Variants in DYNC2I2 observed in about 807,000 individuals in gnomAD.
The protein encoded by DYNC2I2 is cytoplasmic dynein 2 intermediate chain 2.
DYNC2I2 carries 39 observed loss-of-function variants against 52.0 expected under a neutral mutation model. The observed-to-expected ratio is 0.75, with a 90% CI of 0.58 to 0.98. The LOEUF (loss-of-function observed/expected upper bound fraction) is 0.98. DYNC2I2 is among the 50% of genes least tolerant of loss of function. The pLI, the probability that DYNC2I2 is intolerant of heterozygous loss-of-function variation, is 0.00. For missense variants in DYNC2I2, 743 were observed against 728.4 expected (o/e 1.02, Z -0.23); for synonymous variants, 359 against 321.1 (o/e 1.12, Z -1.26).
At chr9:128,639,135 C>G (rs1860464661) in intron 2 of DYNC2I2, among the ~76,000 whole-genome samples, 1 of 152,038 alleles carries the variant, frequency 6.6e-6, no homozygotes, top group Admixed American at 6.6e-5. Context: ...CGAGGTGGCT[C>G]ACGCCTGTAA....
Position 128,633,680 on chromosome 9 carries a change from T to TA in DYNC2I2, c.*63_*64insT, listed in dbSNP as rs1172767684. The TA allele has an allele frequency of 4.6e-6, 7 of 1,528,200 alleles. No homozygotes were observed. The highest frequency in any genetic ancestry group is 1.4e-5 in the African/African-American group (1 of 72,226). The allele number at this position is 1,528,200 out of a possible 1,614,324, so 94.7% of individuals were successfully genotyped here. ...CCCCCAAAGCTTTGCTTTTCTTCAT[T>TA]TGGCTTGCGTCAGAAACACAAGGCT... On this transcript the variant is annotated 3_prime_UTR_variant, in exon 9 of 9. Transcript: ENST00000372715.
intron 1 of DYNC2I2, among the ~76,000 whole-genome samples, chr9:128,653,660 G>A (rs938976016): frequency 6.6e-6 from 1 of 150,916 alleles, no homozygotes; most frequent in African/African-American, 2.5e-5. Context: ...AAGTTGCAGT[G>A]AGCTGAGATC....
intron 1 of DYNC2I2, among the ~76,000 whole-genome samples, chr9:128,655,656 T>C (rs1369580170): frequency 6.7e-6 from 1 of 149,162 alleles, no homozygotes; most frequent in Non-Finnish European, 1.5e-5. Context: ...ACGCCTGTAA[T>C]CCCAGCACTT....
chr9:128,683,169 C>T, the DYNC2I2 span, among the ~76,000 whole-genome samples: 1 of 151,818 alleles, frequency 6.6e-6, no homozygotes, highest in African/African-American at 2.4e-5. Context: ...TAAAATAAAC[C>T]CTCTTCTCTT....
intron 1 of DYNC2I2, among the ~76,000 whole-genome samples, chr9:128,643,623 T>C (rs1336364340): frequency 6.6e-6 from 1 of 151,226 alleles, no homozygotes; most frequent in African/African-American, 2.4e-5. Context: ...GTCCAGGAAG[T>C]GGAGGCTGCA....
chr9:128,677,275 A>G, the DYNC2I2 span, among the ~76,000 whole-genome samples: 2 of 151,914 alleles, frequency 1.3e-5, no homozygotes, highest in Admixed American at 1.3e-4. Context: ...AATGCAGAGC[A>G]GAATTCGAGA....
intron 3 of DYNC2I2, 86 bp from the exon 4 acceptor site, chr9:128,636,524 A>C: frequency 1.4e-6 from 2 of 1,459,950 alleles, no homozygotes; most frequent in Non-Finnish European, 9.2e-7. Context: ...AGCCCCGGAC[A>C]CACTCGCTGT....
At position 128,635,105 on chromosome 9, in the gene DYNC2I2, G is replaced by C; in HGVS notation, c.968C>G (p.Thr323Ser). The change falls in exon 6 of 9, where the codon ACC becomes AGC. Residue 323 changes from threonine to serine, a missense_variant. Thr to Ser is a moderately conservative substitution (Grantham distance 58). Transcript: ENST00000372715. ...ALVMQQLPRS[T>S]KLKKHPRGET... ...GTGCCCACGTACCTTCTTGAGCTTG[G>C]TGCTCCGTGGCAGCTGCTGCATGAC... The C allele has an allele frequency of 6.2e-7, 1 of 1,611,920 alleles. No individual in the cohort carries two copies. Among genetic ancestry groups the C allele is most frequent in the East Asian group, 2.2e-5 (1 of 44,846 alleles).
chr9:128,674,644 G>A, the DYNC2I2 span, among the ~76,000 whole-genome samples: 3 of 152,282 alleles, frequency 2.0e-5, no homozygotes, highest in South Asian at 6.2e-4. Flanking sequence ...TTGGGAGGCT[G>A]AGGCAGGAGA....
rs431905519 is a variant in DYNC2I2, at chr9:128,633,812, CTG to C, written c.1541_1542del (p.Thr514ArgfsTer11). 13 of 1,613,458 alleles carry C rather than the reference CTG, an allele frequency of 8.1e-6. No homozygotes were observed. The highest frequency in any genetic ancestry group is 5.3e-5 in the African/African-American group (4 of 74,944). On this transcript the variant is annotated frameshift_variant, in exon 9 of 9. Coordinates refer to ENST00000372715, the MANE Select transcript of DYNC2I2 (RefSeq NM_052844.4). LOFTEE classifies it high-confidence loss of function. ...TCCCGGGGCCCTTGTTCCGTGAACT[CTG>C]TGCTCAGCTGCCACACCTTCACTGT... The part of the protein sequence containing the change: ...QGTVKVWQLS[T>X]EFTEQGPREA...
the DYNC2I2 span, among the ~76,000 whole-genome samples, chr9:128,671,240 AGGGAGCTGT>A: frequency 6.7e-6 from 1 of 149,640 alleles, no homozygotes; most frequent in Non-Finnish European, 1.5e-5. Context: ...TCAAGACTAC[AGGGAGCTGT>A]GATCCTGCTT....
chr9:128,663,645 TTTTC>T, the DYNC2I2 span: 3 of 131,736 alleles, frequency 2.3e-5, no homozygotes, highest in Admixed American at 2.0e-4. Flanking sequence ...ATTATAGTTT[TTTTC>T]TTTTTTTTTT....
upstream of DYNC2I2, among the ~76,000 whole-genome samples, chr9:128,658,411 C>T (rs990858064): frequency 1.3e-4 from 20 of 152,028 alleles, no homozygotes; most frequent in South Asian, 2.1e-4. Context: ...ATGATCTGCC[C>T]GCCTCAGCCT....
At chr9:128,641,489 C>A (rs916873789) in intron 1 of DYNC2I2, among the ~76,000 whole-genome samples, 3 of 152,172 alleles carry the variant, frequency 2.0e-5, no homozygotes, top group Non-Finnish European at 4.4e-5. Flanking sequence ...ACCCTGCCAC[C>A]ACGCCTACTA....
In DYNC2I2 at chr9:128,635,346, G is replaced by A; in HGVS notation, c.814-87C>T. On this transcript the variant is annotated intron_variant, in intron 5 of 8. Coordinates refer to ENST00000372715, the MANE Select transcript of DYNC2I2 (RefSeq NM_052844.4). ...CCACCCCTACCCTCCCTCTCTTCCA[G>A]GAAAAAAAAAAATTCTCCGGGAGGC... The A allele has an allele frequency of 3.4e-6, 5 of 1,456,034 alleles. No homozygotes were observed. The South Asian group carries it at 4.2e-5, about 12-fold the overall frequency. 90.2% of individuals were successfully genotyped at this position (1,456,034 alleles called of 1,614,324 possible).
rs368864898 is a variant in DYNC2I2 at position 128,633,791 on chromosome 9, G to A, written c.1564C>T (p.Arg522Trp). The change falls in exon 9 of 9, where the codon CGG becomes TGG. Residue 522 changes from arginine (R) to tryptophan (W), a missense_variant. Physicochemically the swap from Arg to Trp is moderately radical, Grantham distance 101 (BLOSUM62 -3). Transcript: ENST00000372715. ...LSTEFTEQGP[R>W]EAEDLDCLAA... Reference sequence around the variant, plus strand: ...AGGCAGTCCAGGTCCTCAGCTTCCCGGGGCCCTTGTTCCGTGAACTCTGTG... The same window carrying A: ...AGGCAGTCCAGGTCCTCAGCTTCCCAGGGCCCTTGTTCCGTGAACTCTGTG... 2.7e-5 allele frequency: 44 copies of A among 1,613,538 alleles called. 1 individual carries two copies. The highest frequency in any genetic ancestry group is 1.7e-4 in the Middle Eastern group (1 of 6,048).
In DYNC2I2 at chr9:128,634,762, G is replaced by T. The variant is rs756766985; in HGVS notation, c.1141C>A (p.Arg381=). 1.2e-6 allele frequency: 2 copies of T among 1,605,744 alleles called. No homozygotes were observed. Among genetic ancestry groups the T allele is most frequent in the South Asian group, 2.2e-5 (2 of 89,830 alleles). The change falls in exon 7 of 9, where the codon CGG becomes AGG. Residue 381 remains arginine, a synonymous_variant. Coordinates refer to ENST00000372715, the MANE Select transcript of DYNC2I2 (RefSeq NM_052844.4). ...GAGAAGGTAAACTGTGCTGGGGCCC[G>T]CAGGGGCACGGAGCTGGGCATCCGC... ...LTRMPSSVPL[R]APAQFTFSPH...
intron 1 of DYNC2I2, among the ~76,000 whole-genome samples, chr9:128,655,511 C>A (rs1389886473): frequency 1.3e-4 from 15 of 119,824 alleles, no homozygotes; most frequent in Middle Eastern, 4.3e-3. Flanking sequence ...ACTCCGTCTC[C>A]AAAAAAAAAA....
Position 128,634,809 on chromosome 9 carries a change from G to A in DYNC2I2, c.1094C>T (p.Ala365Val). The A allele has an allele frequency of 1.2e-6, 2 of 1,613,118 alleles. No homozygotes were observed. The highest frequency in any genetic ancestry group is 1.7e-6 in the Non-Finnish European group (2 of 1,179,784). ...EGGFPLKCSL[A>V]AGEAALTRMP... is the part of the protein sequence containing the mutation. ...CCGCGTGAGGGCTGCCTCTCCAGCT[G>A]CCAGGGAACACTTGAGCGGGAAGCC... Residue 365 changes from alanine (A) to valine (V), a missense_variant, in exon 7 of 9, where the codon GCA becomes GTA. Transcript: ENST00000372715.
Sources: gnomAD v4.1 joint callset for allele counts (sites outside exome capture counted in the v4.1 genomes callset) on GRCh38, gnomAD v4.1.1 for gene constraint, MANE v1.5 for transcripts, NCBI Gene and HGNC (gene_info 2026-07-23, HGNC 2026-07-21) for gene names.